Variants in DIAPH2 observed in about 807,000 individuals in gnomAD.
DIAPH2 encodes the protein diaphanous related formin 2.
A neutral mutation model predicts 92.7 loss-of-function variants in DIAPH2; 35 were observed. That is an observed-to-expected ratio of 0.38 (90% confidence interval 0.29 to 0.50). The LOEUF (loss-of-function observed/expected upper bound fraction) is 0.50, where lower values mean the gene tolerates loss of function less well. Among genes scored for constraint, DIAPH2 ranks in the 20% least tolerant of loss-of-function variants. The pLI is 0.94. For missense variants in DIAPH2, 701 were observed against 819.5 expected, an observed-to-expected ratio of 0.86 and a Z score of 1.77; for synonymous variants, 301 against 280.4, an observed-to-expected ratio of 1.07 and a Z score of -0.73.
At chrX:97,495,441 A>G (rs2070751808) in intron 26 of DIAPH2, among the ~76,000 whole-genome samples, 1 of 112,093 alleles carries the variant, frequency 8.9e-6, no homozygotes, top group African/African-American at 3.2e-5. Context: ...TTGAGTGACT[A>G]CATTACAAAA....
intron 20 of DIAPH2, among the ~76,000 whole-genome samples, chrX:97,100,151 A>T (rs1382645351): frequency 9.0e-6 from 1 of 110,699 alleles, no homozygotes; most frequent in Admixed American, 9.7e-5. Flanking sequence ...GCCTCCAAAA[A>T]GTAGGTTAAA....
intron 25 of DIAPH2, among the ~76,000 whole-genome samples, chrX:97,395,929 G>A (rs768381582): frequency 1.4e-3 from 155 of 111,914 alleles, no homozygotes; most frequent in African/African-American, 4.7e-3. Context: ...AGTAACACTG[G>A]CAGTTACAAA....
chrX:97,306,930 ACT>A (rs913210212), intron 23 of DIAPH2, among the ~76,000 whole-genome samples: 4 of 111,563 alleles, frequency 3.6e-5, no homozygotes, highest in African/African-American at 1.3e-4. Flanking sequence ...GAAGTGGGAA[ACT>A]CTGAAAGGTA....
chrX:97,121,363 C>T (rs899422370), intron 21 of DIAPH2, among the ~76,000 whole-genome samples: 6 of 111,736 alleles, frequency 5.4e-5, no homozygotes, highest in African/African-American at 2.0e-4. Flanking sequence ...ACCTTTTCAC[C>T]GTGTCTTTAC....
At chrX:97,421,398 T>C (rs1296861844) in intron 25 of DIAPH2, among the ~76,000 whole-genome samples, 2 of 111,689 alleles carry the variant, frequency 1.8e-5, no homozygotes, top group Non-Finnish European at 3.8e-5. Context: ...GTCTTCAATT[T>C]TGTGTTATCT....
intron 21 of DIAPH2, among the ~76,000 whole-genome samples, chrX:97,121,725 T>C (rs1044552078): frequency 8.9e-6 from 1 of 111,991 alleles, no homozygotes; most frequent in Non-Finnish European, 1.9e-5. Flanking sequence ...CAGCAACTCA[T>C]TATTAAATAT....
At chrX:97,249,328 C>T (rs1319773903) in intron 23 of DIAPH2, among the ~76,000 whole-genome samples, 2 of 111,445 alleles carry the variant, frequency 1.8e-5, no homozygotes, top group Admixed American at 9.6e-5. Context: ...TCTCTTTATG[C>T]AGGTAATTAA....
intron 17 of DIAPH2, among the ~76,000 whole-genome samples, chrX:97,002,723 T>G (rs1183162025): frequency 8.9e-6 from 1 of 111,815 alleles, no homozygotes; most frequent in African/African-American, 3.2e-5. Flanking sequence ...AGGCATACCA[T>G]GTGTAATAAT....
At chrX:97,170,901 G>A (rs1326199908) in intron 22 of DIAPH2, among the ~76,000 whole-genome samples, 1 of 108,593 alleles carries the variant, frequency 9.2e-6, no homozygotes, top group African/African-American at 3.3e-5. Flanking sequence ...TTTTGAGATG[G>A]AGTCTCGCTC....
At chrX:97,388,284 T>C (rs2069620834) in intron 25 of DIAPH2, among the ~76,000 whole-genome samples, 1 of 112,009 alleles carries the variant, frequency 8.9e-6, no homozygotes, top group South Asian at 3.8e-4. Flanking sequence ...CCTGTGTGCA[T>C]ATCTGTCTTT....
At chrX:96,948,110 G>A (rs1231775148) in intron 14 of DIAPH2, among the ~76,000 whole-genome samples, 1 of 112,198 alleles carries the variant, frequency 8.9e-6, no homozygotes, top group East Asian at 2.8e-4. Flanking sequence ...ACTGCTTTAT[G>A]GATTCTAGAC....
chrX:96,779,491 T>C (rs1404070038), intron 4 of DIAPH2, among the ~76,000 whole-genome samples: 1 of 112,255 alleles, frequency 8.9e-6, no homozygotes, highest in Non-Finnish European at 1.9e-5. Context: ...GTGATACATT[T>C]ATTCACTGCA....
rs143816908 is a variant in DIAPH2 at position 97,130,796 on chromosome X, G to A, written c.2590-10869G>A. 8.3e-4 allele frequency among the ~76,000 whole-genome samples: 92 copies of A among 111,220 alleles called. No homozygotes were observed. In the East Asian group the frequency reaches 0.015, roughly 18 times the overall value. On this transcript the variant is annotated intron_variant, in intron 21 of 26. Transcript: ENST00000324765. ...AATCCCAGGGCTTTAGGAGACTGAG[G>A]CAGGATTGCTTGAAGCCAGGAGTTT...
intron 26 of DIAPH2, among the ~76,000 whole-genome samples, chrX:97,498,386 A>G (rs1001775790): frequency 1.8e-5 from 2 of 111,479 alleles, no homozygotes; most frequent in Non-Finnish European, 3.8e-5. Flanking sequence ...ACCCCAAGAA[A>G]AATTTGGTTT....
At chrX:97,290,428 C>A (rs972751159) in intron 23 of DIAPH2, among the ~76,000 whole-genome samples, 1 of 111,806 alleles carries the variant, frequency 8.9e-6, no homozygotes, top group Non-Finnish European at 1.9e-5. Context: ...GACTTTGGAT[C>A]TCATTTCAAG....
chrX:97,507,538 T>A (rs1192903603), intron 26 of DIAPH2, among the ~76,000 whole-genome samples: 1 of 111,481 alleles, frequency 9.0e-6, no homozygotes, highest in African/African-American at 3.3e-5. Flanking sequence ...TTATGAGAGG[T>A]AATCATAATT....
chrX:97,161,966 T>C (rs73546783), intron 22 of DIAPH2, among the ~76,000 whole-genome samples: 3,160 of 111,637 alleles, frequency 0.028, 106 homozygotes, highest in African/African-American at 0.094. Context: ...TTTGGAACCT[T>C]CTCATTCTGT....
intron 22 of DIAPH2, among the ~76,000 whole-genome samples, chrX:97,238,348 T>C (rs1351199526): frequency 8.9e-6 from 1 of 112,114 alleles, no homozygotes; most frequent in Admixed American, 9.5e-5. Flanking sequence ...AGTTAAATCA[T>C]AGAATGCAGC....
chrX:97,488,363 T>C (rs1410711382), intron 26 of DIAPH2, among the ~76,000 whole-genome samples: 1 of 112,405 alleles, frequency 8.9e-6, no homozygotes, highest in African/African-American at 3.2e-5. Flanking sequence ...GTTAGCCCTT[T>C]ATCAGATATG....
Sources: allele counts gnomAD v4.1 joint callset (sites outside exome capture counted in the v4.1 genomes callset), GRCh38; gene constraint gnomAD v4.1.1; transcripts MANE v1.5; gene names NCBI Gene and HGNC (gene_info 2026-07-23, HGNC 2026-07-21).